Variants in CFAP91 observed in about 807,000 individuals in gnomAD.
CFAP91 encodes the protein cilia and flagella associated protein 91.
A neutral mutation model predicts 95.9 loss-of-function variants in CFAP91; 85 were observed. The observed-to-expected ratio is 0.89, with a 90% CI of 0.74 to 1.06. The LOEUF (loss-of-function observed/expected upper bound fraction) is 1.06, where lower values mean the gene tolerates loss of function less well. Among genes scored for constraint, CFAP91 ranks in the 50% least tolerant of loss-of-function variants. CFAP91 has a pLI of 0.00. For synonymous variants in CFAP91, 335 were observed against 327.5 expected (o/e 1.02, Z -0.25); for missense variants, 962 against 943.4 (o/e 1.02, Z -0.26).
chr3:119,739,276 G>A lies in CFAP91; in HGVS notation c.1483G>A (p.Ala495Thr). 1.9e-6 allele frequency: 3 copies of A among 1,614,104 alleles called. No individual in the cohort carries two copies. The highest frequency in any genetic ancestry group is 2.5e-6 in the Non-Finnish European group (3 of 1,179,974). Residue 495 changes from alanine to threonine, a missense_variant, in exon 12 of 18, where the codon GCT (alanine) becomes ACT (threonine). Coordinates refer to ENST00000273390, the MANE Select transcript of CFAP91 (RefSeq NM_033364.4). ...TSNEEEEMEM[A>T]VIYLQKLLRG... ...TTAGGAAGAAGAAGAAATGGAAATG[G>A]CTGTGATCTACCTTCAAAAGTTACT... is the stretch of plus-strand genomic sequence containing the variant.
intron 5 of CFAP91, chr3:119,715,281 T>C (rs2053551848): frequency 1.9e-6 from 1 of 524,836 alleles, no homozygotes. Flanking sequence ...AGCTCTGTTC[T>C]ACAACCTTGC....
In CFAP91 at chr3:119,715,586, T is replaced by G; in HGVS notation, c.525T>G (p.Pro175=). Reference sequence around the variant, plus strand: ...GGGCAGAACCATACACTTTTCCTCCTACTTCTACTAAGCACCTATCCATCC... The same window carrying G: ...GGGCAGAACCATACACTTTTCCTCCGACTTCTACTAAGCACCTATCCATCC... ...VSKAEPYTFP[P]TSTKHLSIPS... The change falls in exon 6 of 18, where the codon CCT becomes CCG. Residue 175 remains proline, a synonymous_variant. Coordinates refer to ENST00000273390, the MANE Select transcript of CFAP91 (RefSeq NM_033364.4). 14 of 1,614,148 alleles carry G rather than the reference T, an allele frequency of 8.7e-6. No homozygotes were observed. The highest frequency in any genetic ancestry group is 1.7e-5 in the Admixed American group (1 of 60,028).
chr3:119,764,048 A>C (rs1371536301), intron 17 of CFAP91, among the ~76,000 whole-genome samples: 1 of 152,168 alleles, frequency 6.6e-6, no homozygotes, highest in Non-Finnish European at 1.5e-5. Flanking sequence ...GAGCCATTCT[A>C]CAACGTGCAC....
intron 6 of CFAP91, 122 bp from the exon 7 acceptor site, chr3:119,726,049 G>C (rs989566119): frequency 1.3e-6 from 1 of 748,800 alleles, no homozygotes; most frequent in African/African-American, 1.8e-5. Context: ...CTAATGTCAT[G>C]TTATGCTGTC....
chr3:119,727,636 G>A (rs2053808861), intron 7 of CFAP91, among the ~76,000 whole-genome samples: 1 of 152,130 alleles, frequency 6.6e-6, no homozygotes, highest in Non-Finnish European at 1.5e-5. Flanking sequence ...GAGCAGGGAA[G>A]GTGGACAAGG....
At chr3:119,742,214 C>CCT (rs2054134477) in intron 13 of CFAP91, among the ~76,000 whole-genome samples, 1 of 152,182 alleles carries the variant, frequency 6.6e-6, no homozygotes. Flanking sequence ...ATGGGCAAAG[C>CCT]TGTCACTTAG....
chr3:119,708,814 T>A, intron 4 of CFAP91, 140 bp downstream of exon 4: 1 of 563,726 alleles, frequency 1.8e-6, no homozygotes, highest in Non-Finnish European at 3.2e-6. Context: ...TATGATCTAA[T>A]CGTTAAAACA....
At chr3:119,739,987 G>A (rs1203813337) in intron 12 of CFAP91, among the ~76,000 whole-genome samples, 1 of 152,142 alleles carries the variant, frequency 6.6e-6, no homozygotes, top group Non-Finnish European at 1.5e-5. Flanking sequence ...CTTAAAAAAT[G>A]GACTGATATA....
At chr3:119,723,557 C>A (rs2107875117) in intron 6 of CFAP91, among the ~76,000 whole-genome samples, 1 of 151,918 alleles carries the variant, frequency 6.6e-6, no homozygotes, top group African/African-American at 2.4e-5. Context: ...GCTAGGCTTC[C>A]AAAACAAAGA....
At chr3:119,703,254 C>T in intron 1 of CFAP91, 32 bp downstream of exon 1, 1 of 1,607,722 alleles carries the variant, frequency 6.2e-7, no homozygotes, top group Non-Finnish European at 8.5e-7. Context: ...CCTCCGCGTC[C>T]GTCGCCTCCT....
chr3:119,717,403 A>C (rs1218899333), intron 6 of CFAP91, among the ~76,000 whole-genome samples: 2 of 152,188 alleles, frequency 1.3e-5, no homozygotes, highest in African/African-American at 2.4e-5. Flanking sequence ...AGCAGAACTG[A>C]AGTTAAAGTG....
rs552462046 is a variant in CFAP91, at chr3:119,721,937, A to T, written c.683-4234A>T. ...ACACCTGTAATCCCAGCACTTTGGG[A>T]TGCCAAGGCAGGAGGATTGATTGAG... is the stretch of plus-strand genomic sequence containing the variant. On this transcript the variant is annotated intron_variant, in intron 6 of 17. Transcript: ENST00000273390. Among the ~76,000 whole-genome samples the T allele has an allele frequency of 2.6e-5, 4 of 152,268 alleles. No individual in the cohort carries two copies. The East Asian group carries it at 7.7e-4, about 29-fold the overall frequency.
intron 11 of CFAP91, among the ~76,000 whole-genome samples, chr3:119,738,357 T>TTTTTTTTTTG (rs1190127650): frequency 1.8e-5 from 2 of 111,544 alleles, no homozygotes; most frequent in Non-Finnish European, 3.8e-5. Flanking sequence ...TTTTTTTTTT[T>TTTTTTTTTTG]TTTTTTTTTG....
chr3:119,733,184 A>G (rs187457902), intron 9 of CFAP91, among the ~76,000 whole-genome samples, 180 bp from the exon 10 acceptor site: 34 of 152,354 alleles, frequency 2.2e-4, no homozygotes, highest in Non-Finnish European at 3.5e-4. Context: ...TGACAACATG[A>G]GTTAATTATA....
intron 12 of CFAP91, 197 bp downstream of exon 12, chr3:119,739,523 A>G (rs561525774): frequency 1.8e-4 from 93 of 521,194 alleles, no homozygotes; most frequent in Non-Finnish European, 3.1e-4. Flanking sequence ...TGGGTGGCAC[A>G]GTGTCAAGGA....
intron 12 of CFAP91, among the ~76,000 whole-genome samples, chr3:119,739,887 T>C (rs917490997): frequency 1.3e-5 from 2 of 152,184 alleles, no homozygotes; most frequent in African/African-American, 4.8e-5. Context: ...CTGAGGGAGA[T>C]TTAGTTATCT....
At chr3:119,722,276 G>A (rs2053700852) in intron 6 of CFAP91, among the ~76,000 whole-genome samples, 1 of 151,830 alleles carries the variant, frequency 6.6e-6, no homozygotes, top group African/African-American at 2.4e-5. Context: ...GGCCAACATG[G>A]TGAAACCCCG....
intron 13 of CFAP91, among the ~76,000 whole-genome samples, chr3:119,741,740 C>T (rs1007724709): frequency 1.3e-5 from 2 of 152,200 alleles, no homozygotes; most frequent in African/African-American, 4.8e-5. Context: ...TATGACCCCC[C>T]CTTTAGCAAC....
chr3:119,736,066 A>G (rs538133994), intron 10 of CFAP91, among the ~76,000 whole-genome samples: 5 of 151,876 alleles, frequency 3.3e-5, no homozygotes, highest in South Asian at 2.1e-4. Flanking sequence ...GGGGAATGTA[A>G]TTCGCACACA....
Sources: allele counts gnomAD v4.1 joint callset (sites outside exome capture counted in the v4.1 genomes callset), GRCh38; gene constraint gnomAD v4.1.1; transcripts MANE v1.5; gene names NCBI Gene and HGNC (gene_info 2026-07-23, HGNC 2026-07-21).